CSMD3: variants seen among roughly 807,000 people sequenced by gnomAD.
CSMD3 encodes the protein CUB and Sushi multiple domains 3.
CSMD3 carries 177 observed loss-of-function variants against 435.2 expected under a neutral mutation model. The ratio of observed to expected loss-of-function variants is 0.41; its 90% confidence interval spans 0.36 to 0.46. CSMD3 has a LOEUF of 0.46. Ranked by LOEUF, CSMD3 falls within the 20% of genes least tolerant of loss-of-function variation. The probability of loss-of-function intolerance (pLI) is 0.34; values close to 1 mark genes in which losing one functional copy is unlikely to be tolerated. For missense variants in CSMD3, 4,265 were observed against 4,504.6 expected (o/e 0.95, Z 1.52); for synonymous variants, 1,656 against 1,520.5 (o/e 1.09, Z -2.07).
intron 28 of CSMD3, among the ~76,000 whole-genome samples, chr8:112,507,393 C>G (rs1284824167): frequency 1.3e-5 from 2 of 152,094 alleles, no homozygotes; most frequent in Non-Finnish European, 2.9e-5. Flanking sequence ...GTTTGCTAAA[C>G]AGAGCTTGTG....
chr8:113,288,793 C>T (rs2093664050), intron 2 of CSMD3, among the ~76,000 whole-genome samples: 2 of 151,634 alleles, frequency 1.3e-5, no homozygotes, highest in South Asian at 4.1e-4. Context: ...TGCTTATTAG[C>T]AGTGTAATAT....
intron 17 of CSMD3, among the ~76,000 whole-genome samples, chr8:112,657,190 G>C (rs1256707698): frequency 6.6e-6 from 1 of 151,378 alleles, no homozygotes; most frequent in East Asian, 1.9e-4. Flanking sequence ...AGCCTTCTGA[G>C]TAGCTGGAAT....
chr8:113,188,522 C>G (rs116589266), intron 3 of CSMD3, among the ~76,000 whole-genome samples: 4 of 152,064 alleles, frequency 2.6e-5, no homozygotes, highest in Admixed American at 2.6e-4. Context: ...TTGGGAACCA[C>G]GGCCATAAGA....
intron 32 of CSMD3, among the ~76,000 whole-genome samples, chr8:112,425,842 A>T (rs1288983830): frequency 3.3e-5 from 5 of 152,208 alleles, no homozygotes; most frequent in Non-Finnish European, 7.3e-5. Context: ...ATCTCAAAAT[A>T]AGAAAACAAA....
At chr8:112,331,004 C>T (rs1823999326) in intron 45 of CSMD3, among the ~76,000 whole-genome samples, 1 of 151,866 alleles carries the variant, frequency 6.6e-6, no homozygotes, top group Admixed American at 6.6e-5. Flanking sequence ...GTTTTTTACT[C>T]AGTTTGTTCA....
intron 40 of CSMD3, among the ~76,000 whole-genome samples, chr8:112,347,226 A>G (rs571352501): frequency 8.5e-4 from 129 of 152,322 alleles, no homozygotes; most frequent in African/African-American, 3.0e-3. Context: ...GTTTTTAAAT[A>G]TAATTAGATA....
At position 113,270,681 on chromosome 8, in the gene CSMD3, T is replaced by C. The variant is rs1268138121; in HGVS notation, c.514+7911A>G. ...TGAGTTCATGTCCTTTGTAGGGACA[T>C]GGATGAAGCTGGAAACCATCACTCT... is the stretch of plus-strand genomic sequence containing the variant. On this transcript the variant is annotated intron_variant, in intron 3 of 70. Coordinates refer to ENST00000297405, the MANE Select transcript of CSMD3 (RefSeq NM_198123.2). Among the ~76,000 whole-genome samples, 4 of 152,206 alleles carry C rather than the reference T, an allele frequency of 2.6e-5. No individual in the cohort carries two copies. In the East Asian group the frequency reaches 7.8e-4, roughly 29 times the overall value.
At chr8:113,163,305 G>A (rs188492910) in intron 4 of CSMD3, among the ~76,000 whole-genome samples, 79 of 151,788 alleles carry the variant, frequency 5.2e-4, no homozygotes, top group Non-Finnish European at 2.8e-4. Flanking sequence ...CCTCATCTCC[G>A]TTGTTTAGAA....
chr8:112,600,434 T>C lies in CSMD3; in HGVS notation c.3716-13199A>G, dbSNP rs193112855. Among the ~76,000 whole-genome samples the C allele has an allele frequency of 2.6e-5, 4 of 152,336 alleles. No homozygotes were observed. The East Asian group carries it at 7.7e-4, about 29-fold the overall frequency. ...TTTAGAGAGTAGACCTTTGACTACC[T>C]CATTTAACGCAACCGATAAGAATGG... On this transcript the variant is annotated intron_variant, in intron 22 of 70. Coordinates refer to ENST00000297405, the MANE Select transcript of CSMD3 (RefSeq NM_198123.2).
chr8:112,299,587 A>T (rs1820710249), intron 53 of CSMD3, among the ~76,000 whole-genome samples: 1 of 152,144 alleles, frequency 6.6e-6, no homozygotes. Flanking sequence ...GTTCACTGTC[A>T]ATTCCTTTAA....
chr8:112,610,012 G>C (rs1195469072), intron 22 of CSMD3, among the ~76,000 whole-genome samples: 2 of 151,952 alleles, frequency 1.3e-5, no homozygotes, highest in Non-Finnish European at 2.9e-5. Flanking sequence ...TAACAAAGGT[G>C]GGGGGTAGGG....
At chr8:113,002,485 T>C (rs1249857958) in intron 6 of CSMD3, among the ~76,000 whole-genome samples, 3 of 152,112 alleles carry the variant, frequency 2.0e-5, no homozygotes, top group Non-Finnish European at 4.4e-5. Flanking sequence ...AGTCTTCCTT[T>C]AATGATGCAA....
intron 24 of CSMD3, among the ~76,000 whole-genome samples, chr8:112,563,458 A>G (rs1010173852): frequency 2.6e-5 from 4 of 151,732 alleles, no homozygotes; most frequent in Non-Finnish European, 4.4e-5. Context: ...AGTTCTTACT[A>G]GAAAATACAT....
intron 27 of CSMD3, among the ~76,000 whole-genome samples, chr8:112,538,003 G>T (rs923229888): frequency 6.6e-6 from 1 of 152,002 alleles, no homozygotes; most frequent in Non-Finnish European, 1.5e-5. Flanking sequence ...GTGATCAAGT[G>T]GGATACATCC....
At chr8:113,122,106 A>G (rs151265655) in intron 4 of CSMD3, among the ~76,000 whole-genome samples, 1 of 152,120 alleles carries the variant, frequency 6.6e-6, no homozygotes, top group Non-Finnish European at 1.5e-5. Flanking sequence ...TCTTGAGACA[A>G]TACCTTCATT....
At chr8:112,931,243 A>G (rs1380758950) in intron 9 of CSMD3, among the ~76,000 whole-genome samples, 2 of 152,118 alleles carry the variant, frequency 1.3e-5, no homozygotes, top group Admixed American at 6.6e-5. Flanking sequence ...TTCATTTAAC[A>G]TAATGACTAT....
chr8:113,254,460 T>C (rs1167326714), intron 3 of CSMD3, among the ~76,000 whole-genome samples: 1 of 152,104 alleles, frequency 6.6e-6, no homozygotes, highest in African/African-American at 2.4e-5. Flanking sequence ...ACTGGCCAGG[T>C]ATAGAACCCA....
chr8:113,361,614 T>A (rs542751760), intron 1 of CSMD3, among the ~76,000 whole-genome samples: 1 of 152,076 alleles, frequency 6.6e-6, no homozygotes, highest in East Asian at 1.9e-4. Context: ...AAAAGTTAGA[T>A]AAGCCAATGT....
chr8:112,414,638 T>G (rs1811711388), intron 32 of CSMD3, among the ~76,000 whole-genome samples: 1 of 152,154 alleles, frequency 6.6e-6, no homozygotes, highest in South Asian at 2.1e-4. Flanking sequence ...ACTTTGGAAC[T>G]AGGTAAGAGG....
Sources: allele counts gnomAD v4.1 joint callset (sites outside exome capture counted in the v4.1 genomes callset), GRCh38; gene constraint gnomAD v4.1.1; transcripts MANE v1.5; gene names NCBI Gene and HGNC (gene_info 2026-07-23, HGNC 2026-07-21).